Variants in RIMS1 observed in about 807,000 individuals in gnomAD.
RIMS1 encodes the protein regulating synaptic membrane exocytosis protein 1.
In RIMS1, 83 loss-of-function variants were observed where a neutral mutation model predicts 214.1. The ratio of observed to expected loss-of-function variants is 0.39; its 90% CI spans 0.32 to 0.47. RIMS1 has a LOEUF of 0.47. Ranked by LOEUF, RIMS1 falls within the 20% of genes least tolerant of loss-of-function variation. The pLI is 0.99. For missense variants in RIMS1, 2,050 were observed against 2,161.8 expected (o/e 0.95, Z 1.03); for synonymous variants, 793 against 786.8 (o/e 1.01, Z -0.13).
chr6:71,898,432 A>G (rs73748926), intron 1 of RIMS1, among the ~76,000 whole-genome samples: 1,979 of 152,266 alleles, frequency 0.013, 39 homozygotes, highest in African/African-American at 0.045. Flanking sequence ...TTCATTGCCC[A>G]ACTCTGTAAC....
At chr6:71,895,253 G>A (rs1562139076) in intron 1 of RIMS1, among the ~76,000 whole-genome samples, 1 of 152,166 alleles carries the variant, frequency 6.6e-6, no homozygotes, top group Non-Finnish European at 1.5e-5. Context: ...AAGCAGTATT[G>A]CTTAATATTT....
intron 1 of RIMS1, among the ~76,000 whole-genome samples, chr6:71,964,555 G>C (rs531375998): frequency 1.3e-5 from 2 of 152,266 alleles, no homozygotes; most frequent in South Asian, 4.1e-4. Context: ...AATACGTCCA[G>C]TCTGGTATTA....
At chr6:71,980,006 A>T (rs73750307) in intron 2 of RIMS1, among the ~76,000 whole-genome samples, 10 of 152,102 alleles carry the variant, frequency 6.6e-5, no homozygotes, top group Non-Finnish European at 8.8e-5. Context: ...AATATTGGCA[A>T]TATTATTATT....
At chr6:72,335,584 AC>A (rs1406714659) in intron 29 of RIMS1, among the ~76,000 whole-genome samples, 3 of 151,984 alleles carry the variant, frequency 2.0e-5, no homozygotes, top group Non-Finnish European at 4.4e-5. Context: ...TTGGATATAT[AC>A]CCAGTAATGG....
chr6:72,233,982 GAAA>G lies in RIMS1; in HGVS notation c.1746+147_1746+149del, dbSNP rs922286524. On this transcript the variant is annotated intron_variant, in intron 7 of 33. Transcript: ENST00000521978. ...TCATTTAAGATAGTACAATTTTGAA[GAAA>G]AAAAGTTATTACTGGATAATTATAA... is the stretch of plus-strand genomic sequence containing the variant. The G allele has an allele frequency of 9.6e-6, 5 of 521,240 alleles. No individual in the cohort carries two copies. The Admixed American group carries it at 1.4e-4, about 15-fold the overall frequency. The allele number at this position is 521,240 out of a possible 1,614,324, so 32.3% of individuals were successfully genotyped here.
At chr6:72,231,534 A>C (rs545026845) in intron 6 of RIMS1, among the ~76,000 whole-genome samples, 16 of 151,688 alleles carry the variant, frequency 1.1e-4, no homozygotes, top group Non-Finnish European at 1.8e-4. Context: ...TTTAAGCTGC[A>C]ATATCTGTAG....
intron 6 of RIMS1, among the ~76,000 whole-genome samples, chr6:72,193,415 G>T (rs1322279862): frequency 6.6e-6 from 1 of 152,144 alleles, no homozygotes; most frequent in Non-Finnish European, 1.5e-5. Flanking sequence ...ACCTTAAAGT[G>T]GTCATCCTAC....
intron 3 of RIMS1, 103 bp from the exon 4 acceptor site, chr6:72,099,872 A>C: frequency 1.2e-6 from 1 of 850,662 alleles, no homozygotes; most frequent in East Asian, 2.5e-5. Flanking sequence ...GAAGAAACAC[A>C]TAATTGTTTT....
intron 2 of RIMS1, among the ~76,000 whole-genome samples, chr6:72,009,144 C>CAA (rs1809183280): frequency 6.6e-6 from 1 of 152,186 alleles, no homozygotes; most frequent in Non-Finnish European, 1.5e-5. Flanking sequence ...ACAGTGCAAT[C>CAA]AAACTAGAAC....
intron 6 of RIMS1, among the ~76,000 whole-genome samples, chr6:72,200,237 T>C (rs2051701698): frequency 6.6e-6 from 1 of 152,094 alleles, no homozygotes; most frequent in South Asian, 2.1e-4. Context: ...TTCCTTTCTC[T>C]TCATATATTA....
chr6:72,290,577 C>G, intron 24 of RIMS1, 102 bp from the exon 25 acceptor site: 2 of 918,108 alleles, frequency 2.2e-6, no homozygotes, highest in South Asian at 3.6e-5. Flanking sequence ...TTTGAAATTA[C>G]TGTCATGTAC....
chr6:71,981,509 T>C (rs1216705265), intron 2 of RIMS1, among the ~76,000 whole-genome samples: 3 of 152,094 alleles, frequency 2.0e-5, no homozygotes, highest in South Asian at 4.1e-4. Flanking sequence ...GTAGACATAA[T>C]ATATAATCAG....
chr6:71,893,573 G>C (rs1469112585), intron 1 of RIMS1, among the ~76,000 whole-genome samples: 1 of 152,104 alleles, frequency 6.6e-6, no homozygotes, highest in Non-Finnish European at 1.5e-5. Context: ...ATATTTGTCA[G>C]GTAGTTTTCT....
intron 29 of RIMS1, among the ~76,000 whole-genome samples, chr6:72,370,922 A>T (rs1233497739): frequency 1.3e-5 from 2 of 152,298 alleles, no homozygotes; most frequent in East Asian, 3.9e-4. Context: ...GTAGAGAAGA[A>T]TGTAGTTGGG....
At chr6:72,147,886 A>G (rs2042958012) in intron 4 of RIMS1, among the ~76,000 whole-genome samples, 1 of 152,206 alleles carries the variant, frequency 6.6e-6, no homozygotes, top group Admixed American at 6.5e-5. Context: ...TATTTTGCAC[A>G]GAGAGTGGCC....
At chr6:72,090,559 T>G (rs1835937718) in intron 2 of RIMS1, among the ~76,000 whole-genome samples, 1 of 151,956 alleles carries the variant, frequency 6.6e-6, no homozygotes, top group Non-Finnish European at 1.5e-5. Flanking sequence ...TTATAGCTCC[T>G]CTATTATAGA....
intron 1 of RIMS1, among the ~76,000 whole-genome samples, chr6:71,894,282 T>C (rs1770931188): frequency 1.3e-5 from 2 of 152,220 alleles, no homozygotes; most frequent in South Asian, 4.2e-4. Context: ...CCGTCTCTAC[T>C]AAAAATACAA....
chr6:72,027,504 G>A (rs1257281125), intron 2 of RIMS1, among the ~76,000 whole-genome samples: 2 of 151,984 alleles, frequency 1.3e-5, no homozygotes, highest in African/African-American at 4.8e-5. Context: ...TTTATTATTT[G>A]CTGATAACAA....
intron 4 of RIMS1, among the ~76,000 whole-genome samples, chr6:72,168,558 C>T (rs888436501): frequency 2.6e-5 from 4 of 152,070 alleles, no homozygotes; most frequent in African/African-American, 4.8e-5. Context: ...TGGAATTATA[C>T]GCAATGCTCA....
Sources: allele counts gnomAD v4.1 joint callset (sites outside exome capture counted in the v4.1 genomes callset), GRCh38; gene constraint gnomAD v4.1.1; transcripts MANE v1.5; gene names NCBI Gene and HGNC (gene_info 2026-07-23, HGNC 2026-07-21).